PAPOLA: variants seen among roughly 807,000 people sequenced by gnomAD.
The protein encoded by PAPOLA is poly(A) polymerase alpha, also known as polynucleotide adenylyltransferase alpha.
PAPOLA carries 15 observed loss-of-function variants against 100.6 expected under a neutral mutation model. The observed-to-expected ratio is 0.15, with a 90% CI of 0.10 to 0.23. PAPOLA has a LOEUF of 0.23. Ranked by LOEUF, PAPOLA falls within the 10% of genes least tolerant of loss-of-function variation. The probability of loss-of-function intolerance (pLI) is 1.00; values close to 1 mark genes in which losing one functional copy is unlikely to be tolerated. For synonymous variants in PAPOLA, 293 were observed against 300.0 expected, an observed-to-expected ratio of 0.98 and a Z score of 0.24; for missense variants, 533 against 884.2, an observed-to-expected ratio of 0.60 and a Z score of 5.04.
chr14:96,564,683 A>G (rs953525490), intron 21 of PAPOLA, among the ~76,000 whole-genome samples: 1 of 152,060 alleles, frequency 6.6e-6, no homozygotes, highest in African/African-American at 2.4e-5. Flanking sequence ...TCTTAGAGGA[A>G]CAATTTTAAA....
At chr14:96,542,180 G>C in intron 12 of PAPOLA, 63 bp from the exon 13 acceptor site, 2 of 1,007,892 alleles carry the variant, frequency 2.0e-6, no homozygotes, top group Non-Finnish European at 3.1e-6. Context: ...ATTACTTTAT[G>C]GTTTAATATC....
chr14:96,523,527 C>T (rs1898193798), intron 3 of PAPOLA, among the ~76,000 whole-genome samples: 1 of 152,176 alleles, frequency 6.6e-6, no homozygotes, highest in Non-Finnish European at 1.5e-5. Context: ...TTCTCCTTCA[C>T]CTCCTTTGTA....
At chr14:96,510,193 G>A (rs1025060319) in intron 1 of PAPOLA, among the ~76,000 whole-genome samples, 1 of 151,836 alleles carries the variant, frequency 6.6e-6, no homozygotes, top group Admixed American at 6.6e-5. Context: ...TAATTTTGAG[G>A]TTGATCAAGA....
At chr14:96,521,844 C>G (rs931448289) in intron 3 of PAPOLA, among the ~76,000 whole-genome samples, 1 of 152,176 alleles carries the variant, frequency 6.6e-6, no homozygotes, top group Non-Finnish European at 1.5e-5. Context: ...CAGAGTCTCA[C>G]TCTGTCACCC....
chr14:96,526,483 C>G (rs1033232460), intron 4 of PAPOLA: 6 of 152,328 alleles, frequency 3.9e-5, no homozygotes, highest in African/African-American at 1.4e-4. Context: ...CAGGCACACG[C>G]CACCATGCCT....
At position 96,531,185 on chromosome 14, in the gene PAPOLA, A is replaced by G. The variant is rs999287377; in HGVS notation, c.496-290A>G. On this transcript the variant is annotated intron_variant, in intron 6 of 21. Transcript: ENST00000216277. ...CCCGGCTAATTTTTTTGTATTTTTA[A>G]TAGAGACGGGGTTCACCGTGTTAGC... is the stretch of plus-strand genomic sequence containing the variant. Among the ~76,000 whole-genome samples, 3 of 151,782 alleles carry G rather than the reference A, an allele frequency of 2.0e-5. No individual in the cohort carries two copies. Among genetic ancestry groups the G allele is most frequent in the East Asian group, 3.9e-4 (2 of 5,140 alleles).
At chr14:96,534,764 C>T in intron 10 of PAPOLA, 3 of 1,341,938 alleles carry the variant, frequency 2.2e-6, no homozygotes, top group Non-Finnish European at 1.9e-6. Flanking sequence ...CTGTAAACCA[C>T]ATTTAATTGT....
intron 21 of PAPOLA, among the ~76,000 whole-genome samples, chr14:96,564,545 G>A (rs1902130062): frequency 6.6e-6 from 1 of 152,024 alleles, no homozygotes; most frequent in African/African-American, 2.4e-5. Flanking sequence ...TGCTGCTTCT[G>A]TATATAAAAT....
intron 6 of PAPOLA, among the ~76,000 whole-genome samples, chr14:96,528,734 A>G (rs1310323130): frequency 6.6e-6 from 1 of 152,230 alleles, no homozygotes; most frequent in Admixed American, 6.5e-5. Flanking sequence ...AAAAAATAAA[A>G]AAGATAATTC....
chr14:96,545,694 G>C (rs1900340397), intron 15 of PAPOLA, among the ~76,000 whole-genome samples: 1 of 151,924 alleles, frequency 6.6e-6, no homozygotes, highest in Admixed American at 6.6e-5. Flanking sequence ...GTGTTGGGTA[G>C]AACTGTCCAC....
intron 17 of PAPOLA, among the ~76,000 whole-genome samples, chr14:96,554,521 C>T (rs11621733): frequency 2.0e-5 from 3 of 152,084 alleles, no homozygotes; most frequent in Admixed American, 1.3e-4. Flanking sequence ...CCAAAAATAA[C>T]AAGTCTTCGA....
intron 16 of PAPOLA, among the ~76,000 whole-genome samples, chr14:96,548,487 T>C (rs1306777262): frequency 3.3e-5 from 5 of 152,174 alleles, no homozygotes; most frequent in Non-Finnish European, 7.4e-5. Flanking sequence ...TGGACTTTAG[T>C]GAGCATATTG....
chr14:96,507,348 C>T (rs894739876), intron 1 of PAPOLA, among the ~76,000 whole-genome samples: 37 of 125,134 alleles, frequency 3.0e-4, no homozygotes, highest in Admixed American at 1.1e-3. Flanking sequence ...AGTGCTGTGG[C>T]GCGATCTCCG....
chr14:96,513,669 CAT>C (rs1371385992), intron 1 of PAPOLA, among the ~76,000 whole-genome samples: 1 of 152,136 alleles, frequency 6.6e-6, no homozygotes, highest in Non-Finnish European at 1.5e-5. Context: ...ATTCTTACCA[CAT>C]ATATTAAATT....
At position 96,541,445 on chromosome 14, in the gene PAPOLA, C is replaced by T. The variant is rs553725214; in HGVS notation, c.1116-798C>T. 1.9e-4 allele frequency among the ~76,000 whole-genome samples: 29 copies of T among 152,234 alleles called. No individual in the cohort carries two copies. The South Asian group carries it at 3.7e-3, about 20-fold the overall frequency. On this transcript the variant is annotated intron_variant, in intron 12 of 21. Coordinates refer to ENST00000216277, the MANE Select transcript of PAPOLA (RefSeq NM_032632.5). ...CTGGTGTGAAATTTGGCCCCCAGCA[C>T]TTCTAAAATGGGTACTGTAGAAGAG...
In PAPOLA at chr14:96,529,505, G is replaced by A. The variant is rs575571318; in HGVS notation, c.495+1499G>A. 1.1e-4 allele frequency among the ~76,000 whole-genome samples: 17 copies of A among 151,558 alleles called. No homozygotes were observed. In the South Asian group the frequency reaches 3.6e-3, roughly 32 times the overall value. ...TGGGAGGCCAAGGTAGGTGGATCAC[G>A]AGGTCAGGAGATCAAGACCGTCCTG... On this transcript the variant is annotated intron_variant, in intron 6 of 21. Coordinates refer to ENST00000216277, the MANE Select transcript of PAPOLA (RefSeq NM_032632.5).
rs1426338442 is a variant in PAPOLA, at chr14:96,559,596, T to TATATATATAC, written c.2005-1052_2005-1051insTATATATACA. Among the ~76,000 whole-genome samples, 177 of 145,510 alleles carry TATATATATAC rather than the reference T, an allele frequency of 1.2e-3. 3 individuals are homozygous for TATATATATAC. The South Asian group carries it at 0.021, about 17-fold the overall frequency. On this transcript the variant is annotated intron_variant, in intron 19 of 21. Coordinates refer to ENST00000216277, the MANE Select transcript of PAPOLA (RefSeq NM_032632.5). ...CTCTCTCTCTCTATATATATATATATACACACACACATATATATATGTATA... is the reference window on the plus strand; with the variant it reads ...CTCTCTCTCTCTATATATATATATATATATATATACACACACACACATATATATATGTATA...
At chr14:96,524,878 G>T (rs1360365890) in intron 3 of PAPOLA, among the ~76,000 whole-genome samples, 1 of 152,126 alleles carries the variant, frequency 6.6e-6, no homozygotes, top group Non-Finnish European at 1.5e-5. Context: ...TATGTTGTGG[G>T]ATATTTGGTA....
Position 96,509,353 on chromosome 14 carries a change from T to C in PAPOLA, c.8+6753T>C, listed in dbSNP as rs572358032. 4.6e-5 allele frequency among the ~76,000 whole-genome samples: 7 copies of C among 152,324 alleles called. 1 individual carries two copies. The East Asian group carries it at 7.7e-4, about 17-fold the overall frequency. On this transcript the variant is annotated intron_variant, in intron 1 of 21. Coordinates refer to ENST00000216277, the MANE Select transcript of PAPOLA (RefSeq NM_032632.5). ...GGCCAGTTGGAATCTCTGTATAGTT[T>C]CAAGTAGAATTAATTTTCAAGCTCA... is the stretch of plus-strand genomic sequence containing the variant.
Sources: gnomAD v4.1 joint callset for allele counts (sites outside exome capture counted in the v4.1 genomes callset) on GRCh38, gnomAD v4.1.1 for gene constraint, MANE v1.5 for transcripts, NCBI Gene and HGNC (gene_info 2026-07-23, HGNC 2026-07-21) for gene names.